The following TFCP2 variants were observed in gnomAD, a reference collection of about 807,000 sequenced individuals.
TFCP2 encodes the protein transcription factor CP2, also known as alpha-globin transcription factor CP2.
A neutral mutation model predicts 73.4 loss-of-function variants in TFCP2; 33 were observed. That is an observed-to-expected ratio of 0.45 (90% CI 0.34 to 0.60). The LOEUF (loss-of-function observed/expected upper bound fraction) is 0.60, where lower values mean the gene tolerates loss of function less well. Ranked by LOEUF, TFCP2 falls within the 20% of genes least tolerant of loss-of-function variation. The probability of loss-of-function intolerance (pLI) is 0.01; values close to 1 mark genes in which losing one functional copy is unlikely to be tolerated. For synonymous variants in TFCP2, 193 were observed against 211.6 expected (o/e 0.91, Z 0.76); for missense variants, 352 against 604.0 (o/e 0.58, Z 4.37).
intron 1 of TFCP2, among the ~76,000 whole-genome samples, chr12:51,138,014 G>A (rs1452639248): frequency 6.6e-6 from 1 of 152,052 alleles, no homozygotes; most frequent in Non-Finnish European, 1.5e-5. Flanking sequence ...TGCTCATCCT[G>A]TACTCCCTAC....
At chr12:51,112,809 G>C (rs1592797276) in intron 4 of TFCP2, among the ~76,000 whole-genome samples, 1 of 150,360 alleles carries the variant, frequency 6.7e-6, no homozygotes, top group East Asian at 1.9e-4. Flanking sequence ...AGAGGTTGCA[G>C]TGAGCCGAGA....
At chr12:51,101,086 G>A (rs957606416) in intron 11 of TFCP2, among the ~76,000 whole-genome samples, 29 of 152,208 alleles carry the variant, frequency 1.9e-4, no homozygotes, top group African/African-American at 6.3e-4. Flanking sequence ...GGTGGATCAC[G>A]AGATCAGGAG....
intron 1 of TFCP2, among the ~76,000 whole-genome samples, chr12:51,152,062 C>T (rs535268793): frequency 6.6e-6 from 1 of 152,268 alleles, no homozygotes; most frequent in Admixed American, 6.5e-5. Flanking sequence ...TTTACATAGT[C>T]TCAAAACATC....
intron 1 of TFCP2, chr12:51,125,042 G>A (rs1370085971): frequency 2.7e-6 from 2 of 744,536 alleles, no homozygotes; most frequent in Non-Finnish European, 5.0e-6. Flanking sequence ...TGAGGATCTC[G>A]GTCGTGATGT....
intron 8 of TFCP2, among the ~76,000 whole-genome samples, chr12:51,105,318 T>C (rs1940206494): frequency 6.6e-6 from 1 of 151,982 alleles, no homozygotes; most frequent in Non-Finnish European, 1.5e-5. Flanking sequence ...GGTCTCGAAC[T>C]CCTGACATCG....
chr12:51,161,472 A>G (rs112648976), intron 1 of TFCP2, among the ~76,000 whole-genome samples: 4,004 of 152,088 alleles, frequency 0.026, 161 homozygotes, highest in African/African-American at 0.089. Context: ...CGAGGTCAGG[A>G]GATCGAGACC....
chr12:51,122,990 T>C (rs1940720712), intron 1 of TFCP2, among the ~76,000 whole-genome samples: 1 of 152,208 alleles, frequency 6.6e-6, no homozygotes, highest in South Asian at 2.1e-4. Context: ...TTTTGAAACA[T>C]AGCAACAGTT....
intron 11 of TFCP2, among the ~76,000 whole-genome samples, chr12:51,101,516 C>T (rs1175672905): frequency 6.6e-6 from 1 of 152,090 alleles, no homozygotes; most frequent in Non-Finnish European, 1.5e-5. Flanking sequence ...ACCCTATAGC[C>T]CACAACCTTG....
intron 1 of TFCP2, 64 bp downstream of exon 1, chr12:51,172,237 T>TTTTC: frequency 1.9e-6 from 3 of 1,595,836 alleles, no homozygotes; most frequent in Non-Finnish European, 2.6e-6. Context: ...ACTCAACCCC[T>TTTTC]TTTCTTAGTG....
intron 1 of TFCP2, among the ~76,000 whole-genome samples, chr12:51,132,357 C>CTTTTGTTTTTTTTT (rs1940962927): frequency 1.6e-5 from 1 of 61,764 alleles, no homozygotes; most frequent in Non-Finnish European, 2.9e-5. Context: ...AGGGATTAGT[C>CTTTTGTTTTTTTTT]TTTTTTTTTT....
chr12:51,116,296 A>C lies in TFCP2; in HGVS notation c.457+19T>G. The C allele has an allele frequency of 1.4e-6, 2 of 1,468,344 alleles. No individual in the cohort carries two copies. The highest frequency in any genetic ancestry group is 1.4e-5 in the African/African-American group (1 of 71,836). 91.0% of individuals were successfully genotyped at this position (1,468,344 alleles called of 1,614,324 possible). ...CATAGCTAAAGGCATTTCCTAGGCA[A>C]TAGATTCTCTTAACTCACCTATGTC... is the stretch of plus-strand genomic sequence containing the variant. On this transcript the variant is annotated intron_variant, in intron 4 of 14. Coordinates refer to ENST00000257915, the MANE Select transcript of TFCP2 (RefSeq NM_005653.5).
chr12:51,096,985 CAG>C (rs1939980507), intron 13 of TFCP2, among the ~76,000 whole-genome samples: 2 of 148,826 alleles, frequency 1.3e-5, no homozygotes, highest in Non-Finnish European at 3.0e-5. Context: ...TTTTCTGAGA[CAG>C]AGTTTTGCTC....
intron 1 of TFCP2, among the ~76,000 whole-genome samples, chr12:51,169,859 G>A (rs930789819): frequency 1.3e-5 from 2 of 152,224 alleles, no homozygotes; most frequent in African/African-American, 4.8e-5. Context: ...CCATTCTAAT[G>A]TCTGTGAAAA....
At chr12:51,125,964 C>T (rs1330380906) in intron 1 of TFCP2, among the ~76,000 whole-genome samples, 2 of 152,250 alleles carry the variant, frequency 1.3e-5, no homozygotes, top group South Asian at 4.1e-4. Flanking sequence ...GGCACGGTGG[C>T]TCACGCCTGT....
chr12:51,102,806 AC>A (rs1239982317), intron 10 of TFCP2, among the ~76,000 whole-genome samples: 1 of 152,170 alleles, frequency 6.6e-6, no homozygotes, highest in Non-Finnish European at 1.5e-5. Flanking sequence ...TGAACGTCTT[AC>A]TGTCACTATC....
intron 8 of TFCP2, among the ~76,000 whole-genome samples, chr12:51,105,826 C>T (rs1245087515): frequency 6.6e-6 from 1 of 152,144 alleles, no homozygotes; most frequent in Non-Finnish European, 1.5e-5. Flanking sequence ...ACAAACATTG[C>T]AACCAAACAA....
intron 3 of TFCP2, among the ~76,000 whole-genome samples, chr12:51,117,414 G>A (rs550315556): frequency 2.0e-4 from 30 of 152,270 alleles, no homozygotes; most frequent in African/African-American, 7.0e-4. Flanking sequence ...ACTTCACTGA[G>A]CCAGGGGTGA....
At chr12:51,133,621 C>T (rs1940999711) in intron 1 of TFCP2, among the ~76,000 whole-genome samples, 1 of 151,284 alleles carries the variant, frequency 6.6e-6, no homozygotes. Context: ...TTTGTTTTCA[C>T]TCTTTGGGTA....
intron 13 of TFCP2, among the ~76,000 whole-genome samples, chr12:51,096,452 C>T (rs1939967206): frequency 6.6e-6 from 1 of 152,212 alleles, no homozygotes; most frequent in Admixed American, 6.5e-5. Flanking sequence ...AAACTCCCTT[C>T]TCCCAAGATA....
Sources: allele counts gnomAD v4.1 joint callset (sites outside exome capture counted in the v4.1 genomes callset), GRCh38; gene constraint gnomAD v4.1.1; transcripts MANE v1.5; gene names NCBI Gene and HGNC (gene_info 2026-07-23, HGNC 2026-07-21).